MAP2: variants seen among roughly 807,000 people sequenced by gnomAD.
MAP2 encodes microtubule associated protein 2.
Under a neutral mutation model 137.6 loss-of-function variants are expected in MAP2, and 14 were observed. That is an observed-to-expected ratio of 0.10 (90% CI 0.07 to 0.16). MAP2 has a LOEUF of 0.16. Among genes scored for constraint, MAP2 ranks in the 10% least tolerant of loss-of-function variants. The pLI, the probability that MAP2 is intolerant of heterozygous loss-of-function variation, is 1.00. For synonymous variants in MAP2, 786 were observed against 782.3 expected (o/e 1.00, Z -0.08); for missense variants, 2,088 against 2,191.5 (o/e 0.95, Z 0.94).
At chr2:209,576,267 G>A (rs776729332) in intron 2 of MAP2, among the ~76,000 whole-genome samples, 6 of 152,008 alleles carry the variant, frequency 3.9e-5, no homozygotes, top group South Asian at 4.2e-4. Flanking sequence ...TTTGAGAGAC[G>A]AAGTCTTGCT....
intron 3 of MAP2, among the ~76,000 whole-genome samples, chr2:209,607,935 T>C (rs1348596171): frequency 6.6e-6 from 1 of 152,234 alleles, no homozygotes; most frequent in Non-Finnish European, 1.5e-5. Context: ...TATTGTCTTA[T>C]ATCTTTTCTG....
At chr2:209,631,854 T>C (rs2093091373) in intron 4 of MAP2, among the ~76,000 whole-genome samples, 1 of 152,162 alleles carries the variant, frequency 6.6e-6, no homozygotes, top group African/African-American at 2.4e-5. Context: ...AACTGCAACA[T>C]GTGTTAAAAG....
At chr2:209,611,532 A>G (rs1482362820) in intron 3 of MAP2, among the ~76,000 whole-genome samples, 1 of 152,086 alleles carries the variant, frequency 6.6e-6, no homozygotes, top group Admixed American at 6.6e-5. Flanking sequence ...GAAATTAAAT[A>G]ATTGGCCACA....
chr2:209,472,734 C>CA (rs71395556), intron 1 of MAP2, among the ~76,000 whole-genome samples: 7 of 149,054 alleles, frequency 4.7e-5, no homozygotes, highest in South Asian at 4.2e-4. Context: ...TAGAACTACT[C>CA]AAAAAAAAAA....
intron 1 of MAP2, among the ~76,000 whole-genome samples, chr2:209,469,676 C>A (rs1312342804): frequency 6.6e-6 from 1 of 152,130 alleles, no homozygotes; most frequent in Non-Finnish European, 1.5e-5. Context: ...CTGTCTCTCT[C>A]ATACACACAT....
At chr2:209,705,784 A>T (rs2063215736) in intron 12 of MAP2, 57 bp downstream of exon 12, 8 of 1,303,904 alleles carry the variant, frequency 6.1e-6, no homozygotes, top group African/African-American at 3.0e-5. Flanking sequence ...CTTTAAGTGG[A>T]ATAGCACTTA....
intron 2 of MAP2, among the ~76,000 whole-genome samples, chr2:209,531,490 A>C (rs2065104179): frequency 6.6e-6 from 1 of 152,230 alleles, no homozygotes; most frequent in South Asian, 2.1e-4. Flanking sequence ...TCATAAAACA[A>C]GTTATAAAAT....
At chr2:209,496,210 G>A (rs540816632) in intron 1 of MAP2, among the ~76,000 whole-genome samples, 3 of 152,126 alleles carry the variant, frequency 2.0e-5, no homozygotes, top group Non-Finnish European at 4.4e-5. Context: ...TCCTGACTTT[G>A]TGCCGTATAC....
chr2:209,683,044 A>G (rs1290162705), intron 7 of MAP2, among the ~76,000 whole-genome samples: 1 of 152,116 alleles, frequency 6.6e-6, no homozygotes, highest in Non-Finnish European at 1.5e-5. Context: ...CTTACTCTAT[A>G]TGGGATTTGG....
intron 2 of MAP2, among the ~76,000 whole-genome samples, chr2:209,571,423 T>C (rs1166989493): frequency 6.6e-6 from 1 of 152,040 alleles, no homozygotes; most frequent in Non-Finnish European, 1.5e-5. Context: ...TTTTATCTGC[T>C]CTGGAAGTTC....
intron 1 of MAP2, among the ~76,000 whole-genome samples, chr2:209,428,086 A>G (rs1016146996): frequency 1.3e-5 from 2 of 152,254 alleles, no homozygotes; most frequent in Admixed American, 6.5e-5. Context: ...ACAGTGAATT[A>G]GGTGAATTCA....
At chr2:209,638,571 T>G (rs1053318585) in intron 4 of MAP2, among the ~76,000 whole-genome samples, 7 of 152,110 alleles carry the variant, frequency 4.6e-5, no homozygotes, top group Non-Finnish European at 8.8e-5. Flanking sequence ...GAAAAACTAG[T>G]ATTTAACATA....
At chr2:209,499,492 A>C (rs2060132621) in intron 1 of MAP2, among the ~76,000 whole-genome samples, 1 of 152,138 alleles carries the variant, frequency 6.6e-6, no homozygotes, top group South Asian at 2.1e-4. Flanking sequence ...CCAGTTCCAA[A>C]GCTGCTTTCA....
intron 3 of MAP2, among the ~76,000 whole-genome samples, chr2:209,615,932 C>T (rs1418226619): frequency 2.6e-5 from 4 of 152,304 alleles, no homozygotes; most frequent in East Asian, 1.9e-4. Context: ...AGCACACACT[C>T]CCCATTCTGA....
At position 209,430,839 on chromosome 2, in the gene MAP2, C is replaced by G. The variant is rs185512436; in HGVS notation, c.-222+6563C>G. ...TTTGCTGCTAGGAGAACATAAAATA[C>G]TAAGCATCTACTGAAACCTGAATCT... On this transcript the variant is annotated intron_variant, in intron 1 of 15. Coordinates refer to ENST00000682079, the MANE Select transcript of MAP2 (RefSeq NM_001375505.1). 8.5e-5 allele frequency among the ~76,000 whole-genome samples: 13 copies of G among 152,226 alleles called. No homozygotes were observed. The East Asian group carries it at 2.5e-3, about 29-fold the overall frequency.
chr2:209,683,653 A>C (rs1417827518), intron 7 of MAP2, among the ~76,000 whole-genome samples: 1 of 152,186 alleles, frequency 6.6e-6, no homozygotes, highest in Non-Finnish European at 1.5e-5. Flanking sequence ...CCCAAATTCC[A>C]TCAATATATT....
At chr2:209,727,531 C>G (rs1049721976) in intron 14 of MAP2, among the ~76,000 whole-genome samples, 1 of 152,198 alleles carries the variant, frequency 6.6e-6, no homozygotes, top group Admixed American at 6.5e-5. Context: ...CTAAATCTAG[C>G]TCTTGCTTCT....
At chr2:209,713,844 T>A (rs2066424910) in intron 13 of MAP2, among the ~76,000 whole-genome samples, 1 of 152,210 alleles carries the variant, frequency 6.6e-6, no homozygotes, top group Non-Finnish European at 1.5e-5. Flanking sequence ...CTCCTATATG[T>A]TTTGACAGAT....
chr2:209,563,680 A>G (rs879710700), intron 2 of MAP2, among the ~76,000 whole-genome samples: 1 of 152,222 alleles, frequency 6.6e-6, no homozygotes, highest in Non-Finnish European at 1.5e-5. Context: ...TGATATTAAC[A>G]TAGCCCCTTG....
Sources: allele counts gnomAD v4.1 joint callset (sites outside exome capture counted in the v4.1 genomes callset), GRCh38; gene constraint gnomAD v4.1.1; transcripts MANE v1.5; gene names NCBI Gene and HGNC (gene_info 2026-07-23, HGNC 2026-07-21).